The following STXBP4 variants were observed in gnomAD, a reference collection of about 807,000 sequenced individuals.
STXBP4 encodes the protein syntaxin-binding protein 4.
In STXBP4, 55 loss-of-function variants were observed where a neutral mutation model predicts 76.1. The ratio of observed to expected loss-of-function variants is 0.72; its 90% CI spans 0.58 to 0.91. The LOEUF (loss-of-function observed/expected upper bound fraction) is 0.91. Ranked by LOEUF, STXBP4 falls within the 40% of genes least tolerant of loss-of-function variation. The pLI is 0.00. For missense variants in STXBP4, 618 were observed against 636.9 expected, an observed-to-expected ratio of 0.97 and a Z score of 0.32; for synonymous variants, 201 against 220.2, an observed-to-expected ratio of 0.91 and a Z score of 0.77.
At chr17:55,124,702 G>A (rs1598333459) in intron 16 of STXBP4, among the ~76,000 whole-genome samples, 1 of 152,150 alleles carries the variant, frequency 6.6e-6, no homozygotes. Context: ...ATTTGCTCAG[G>A]CTGCCATAAC....
chr17:55,188,495 C>A, the STXBP4 span, among the ~76,000 whole-genome samples: 1 of 152,206 alleles, frequency 6.6e-6, no homozygotes, highest in African/African-American at 2.4e-5. Context: ...TACCTGGGAA[C>A]TGGACAGACA....
At chr17:55,144,196 A>C (rs940891134) in intron 17 of STXBP4, among the ~76,000 whole-genome samples, 1 of 152,324 alleles carries the variant, frequency 6.6e-6, no homozygotes, top group Middle Eastern at 3.4e-3. Context: ...AAGAATAAGA[A>C]GTTGTCTTCC....
intron 10 of STXBP4, among the ~76,000 whole-genome samples, chr17:55,037,636 G>A (rs967828296): frequency 6.6e-5 from 10 of 151,982 alleles, no homozygotes; most frequent in African/African-American, 1.4e-4. Context: ...TCAAAATGTC[G>A]TGCAATAGAA....
rs952887442 is a variant in STXBP4, at chr17:55,123,896, C to T, written c.1490-17414C>T. On this transcript the variant is annotated intron_variant, in intron 16 of 17. Coordinates refer to ENST00000376352, the MANE Select transcript of STXBP4 (RefSeq NM_178509.6). ...ACCTGGCGACAAAGCAAGACTCAGT[C>T]TCAAAAAAAAAAAAGAAGATAAAAC... 3.3e-5 allele frequency among the ~76,000 whole-genome samples: 5 copies of T among 149,636 alleles called. No homozygotes were observed. In the East Asian group the frequency reaches 5.9e-4, roughly 18 times the overall value.
intron 4 of STXBP4, 31 bp downstream of exon 4, chr17:54,990,988 A>G: frequency 6.7e-7 from 1 of 1,491,130 alleles, no homozygotes. Flanking sequence ...CACCAAAAAT[A>G]CAAACAAAAA....
At chr17:55,064,094 T>C (rs2079022643) in intron 12 of STXBP4, among the ~76,000 whole-genome samples, 1 of 152,202 alleles carries the variant, frequency 6.6e-6, no homozygotes, top group African/African-American at 2.4e-5. Context: ...TCACAAGCTA[T>C]TTTAGGGTTA....
rs552399232 is a variant in STXBP4 at position 55,081,238 on chromosome 17, T to A, written c.1489+55T>A. The A allele has an allele frequency of 9.0e-6, 12 of 1,326,832 alleles. No homozygotes were observed. In the East Asian group the frequency reaches 3.4e-4, roughly 37 times the overall value. 82.2% of individuals were successfully genotyped at this position (1,326,832 alleles called of 1,614,324 possible). ...AAAGTAATTTATTTAACAAAACAAA[T>A]TGAAGTCAGACAGTTGAATTTCGTT... On this transcript the variant is annotated intron_variant, in intron 16 of 17. Transcript: ENST00000376352.
chr17:55,111,016 C>G (rs1004363308), intron 16 of STXBP4, among the ~76,000 whole-genome samples: 2 of 152,098 alleles, frequency 1.3e-5, no homozygotes, highest in Non-Finnish European at 2.9e-5. Flanking sequence ...GAAGGGGGAG[C>G]AGCAGTGTGA....
chr17:54,981,137 T>C (rs2077545838), intron 1 of STXBP4, among the ~76,000 whole-genome samples: 1 of 149,674 alleles, frequency 6.7e-6, no homozygotes, highest in Non-Finnish European at 1.5e-5. Flanking sequence ...ATAGGAAGAC[T>C]CAAAATAACA....
chr17:54,981,999 CGTT>C (rs2077557153), intron 1 of STXBP4, among the ~76,000 whole-genome samples: 1 of 152,092 alleles, frequency 6.6e-6, no homozygotes, highest in Admixed American at 6.5e-5. Flanking sequence ...AAAATCCAAA[CGTT>C]ATTTAGTATA....
At chr17:55,071,340 C>T (rs1319328999) in intron 12 of STXBP4, among the ~76,000 whole-genome samples, 1 of 152,134 alleles carries the variant, frequency 6.6e-6, no homozygotes, top group African/African-American at 2.4e-5. Flanking sequence ...CCATTCTGCC[C>T]TCATGTCTTA....
chr17:55,134,380 T>G (rs2080005501), intron 16 of STXBP4, among the ~76,000 whole-genome samples: 1 of 152,004 alleles, frequency 6.6e-6, no homozygotes, highest in Admixed American at 6.6e-5. Flanking sequence ...CATAACAAAT[T>G]TAAAGTGTTT....
At chr17:55,004,641 C>T (rs1297930980) in intron 7 of STXBP4, among the ~76,000 whole-genome samples, 1 of 151,762 alleles carries the variant, frequency 6.6e-6, no homozygotes, top group African/African-American at 2.4e-5. Flanking sequence ...GTCGAGGTTG[C>T]AGTGAGCTGT....
chr17:54,988,251 TA>T (rs1456867918), intron 3 of STXBP4, among the ~76,000 whole-genome samples: 2 of 152,180 alleles, frequency 1.3e-5, no homozygotes, highest in Non-Finnish European at 2.9e-5. Flanking sequence ...TTAGCAGCAA[TA>T]AACTGCTGTG....
At chr17:55,204,616 C>T in the STXBP4 span, among the ~76,000 whole-genome samples, 1 of 152,096 alleles carries the variant, frequency 6.6e-6, no homozygotes, top group East Asian at 1.9e-4. Context: ...CTTAATCCCT[C>T]CTTAGTCCCC....
intron 9 of STXBP4, among the ~76,000 whole-genome samples, chr17:55,033,067 G>A (rs1328558682): frequency 3.3e-5 from 5 of 152,034 alleles, no homozygotes; most frequent in Non-Finnish European, 2.9e-5. Flanking sequence ...AAATAAAGAA[G>A]CACAGAAGAG....
the STXBP4 span, among the ~76,000 whole-genome samples, chr17:55,201,133 C>G: frequency 1.1e-3 from 163 of 152,322 alleles, no homozygotes; most frequent in South Asian, 3.9e-3. Flanking sequence ...ACTGTTAACT[C>G]TGCAGCCCAG....
chr17:55,061,477 A>G (rs535643818), intron 12 of STXBP4, among the ~76,000 whole-genome samples: 3 of 152,312 alleles, frequency 2.0e-5, no homozygotes, highest in Non-Finnish European at 2.9e-5. Context: ...AAAAATACAT[A>G]TATTTGTCAG....
At chr17:55,000,188 T>C (rs1045548689) in intron 6 of STXBP4, 1 of 984,828 alleles carries the variant, frequency 1.0e-6, no homozygotes, top group Admixed American at 6.2e-5. Flanking sequence ...TTGACTGAAG[T>C]GAGGCCATCT....
Sources: allele counts gnomAD v4.1 joint callset (sites outside exome capture counted in the v4.1 genomes callset), GRCh38; gene constraint gnomAD v4.1.1; transcripts MANE v1.5; gene names NCBI Gene and HGNC (gene_info 2026-07-23, HGNC 2026-07-21).